The following FAM120B variants were observed in gnomAD, a reference collection of about 807,000 sequenced individuals.
FAM120B encodes constitutive coactivator of peroxisome proliferator-activated receptor gamma.
FAM120B carries 83 observed loss-of-function variants against 96.3 expected under a neutral mutation model. The observed-to-expected ratio is 0.86, with a 90% CI of 0.72 to 1.03. The LOEUF is 1.03. Ranked by LOEUF, FAM120B falls within the 50% of genes least tolerant of loss-of-function variation. The pLI, the probability that FAM120B is intolerant of heterozygous loss-of-function variation, is 0.00. For missense variants in FAM120B, 1,027 were observed against 1,121.2 expected (o/e 0.92, Z 1.20); for synonymous variants, 407 against 402.7 (o/e 1.01, Z -0.13).
chr6:170,363,775 G>T lies in FAM120B; in HGVS notation c.2283+5457G>T, dbSNP rs1788607045. On this transcript the variant is annotated intron_variant, in intron 6 of 10. Coordinates refer to ENST00000476287, the MANE Select transcript of FAM120B (RefSeq NM_032448.3). This position sits in a 1 kb window ranked among gnomAD's most constrained non-coding sequence, Gnocchi z 4.5. ...CTTATTAAACATCATGTTTTATTTT[G>T]TTTTTTTTAGACAGAGTCTCACCCT... is the stretch of plus-strand genomic sequence containing the variant. Among the ~76,000 whole-genome samples the T allele has an allele frequency of 6.6e-6, 1 of 151,908 alleles. No individual in the cohort carries two copies. Among genetic ancestry groups the T allele is most frequent in the South Asian group, 2.1e-4 (1 of 4,812 alleles).
intron 6 of FAM120B, among the ~76,000 whole-genome samples, chr6:170,376,935 G>C (rs1257327021): frequency 1.4e-5 from 2 of 146,384 alleles, no homozygotes; most frequent in African/African-American, 5.1e-5. Context: ...CCTAAACCCA[G>C]ACGCCTGGGA....
At chr6:170,368,282 C>T (rs1788929126) in intron 6 of FAM120B, among the ~76,000 whole-genome samples, 1 of 152,160 alleles carries the variant, frequency 6.6e-6, no homozygotes. Flanking sequence ...CCATGCACTC[C>T]CTTTACTTCC....
chr6:170,314,400 G>A (rs1784771756), intron 1 of FAM120B, among the ~76,000 whole-genome samples: 1 of 152,162 alleles, frequency 6.6e-6, no homozygotes, highest in Non-Finnish European at 1.5e-5. Flanking sequence ...CAGATGTTGT[G>A]CTAGGTGCTG....
chr6:170,321,836 C>A (rs1785311609), intron 2 of FAM120B, among the ~76,000 whole-genome samples: 1 of 152,186 alleles, frequency 6.6e-6, no homozygotes, highest in Non-Finnish European at 1.5e-5. Context: ...AGGTAAGGAA[C>A]AGAGAGATTA....
chr6:170,396,588 C>T (rs1042137207), intron 9 of FAM120B, among the ~76,000 whole-genome samples: 2 of 152,156 alleles, frequency 1.3e-5, no homozygotes, highest in East Asian at 1.9e-4. Flanking sequence ...TCAACCCCAC[C>T]GAGTCGTGCA....
rs1372302172 is a variant in FAM120B, at chr6:170,370,108, C to T, written c.2283+11790C>T. Among the ~76,000 whole-genome samples the T allele has an allele frequency of 6.6e-6, 1 of 152,140 alleles. No homozygotes were observed. ...ATTCTGTGAGTCGGCAGAAATTTATCGCAGAGACATTGCAGAGGTGAGACG... is the reference window on the plus strand; with the variant it reads ...ATTCTGTGAGTCGGCAGAAATTTATTGCAGAGACATTGCAGAGGTGAGACG... On this transcript the variant is annotated intron_variant, in intron 6 of 10. Transcript: ENST00000476287. The surrounding 1 kb of genome is among the most constrained non-coding windows in gnomAD (Gnocchi z 4.3).
intron 7 of FAM120B, among the ~76,000 whole-genome samples, chr6:170,389,998 G>A (rs991155339): frequency 6.6e-6 from 1 of 152,200 alleles, no homozygotes; most frequent in Non-Finnish European, 1.5e-5. Flanking sequence ...TGGGGACGCT[G>A]GCTGCTGTCC....
intron 6 of FAM120B, among the ~76,000 whole-genome samples, chr6:170,374,924 G>C (rs1382213824): frequency 2.0e-5 from 3 of 152,182 alleles, no homozygotes; most frequent in African/African-American, 7.2e-5. Flanking sequence ...TTAATTTCTT[G>C]AGGATAGGAC....
chr6:170,309,766 A>T (rs1784484582), intron 1 of FAM120B, among the ~76,000 whole-genome samples: 1 of 152,210 alleles, frequency 6.6e-6, no homozygotes, highest in South Asian at 2.1e-4. Flanking sequence ...ATAGCAGAGG[A>T]GTTTTCTGGC....
At chr6:170,365,384 A>G (rs1301828614) in intron 6 of FAM120B, among the ~76,000 whole-genome samples, 1 of 152,186 alleles carries the variant, frequency 6.6e-6, no homozygotes, top group Non-Finnish European at 1.5e-5. Flanking sequence ...TCGCCTTACT[A>G]GGGATGACAG....
chr6:170,337,908 A>G (rs1214532034), intron 4 of FAM120B, among the ~76,000 whole-genome samples: 2 of 149,692 alleles, frequency 1.3e-5, no homozygotes, highest in East Asian at 1.9e-4. Flanking sequence ...TGTCTGTTTG[A>G]TTATTCTCTG....
upstream of FAM120B, among the ~76,000 whole-genome samples, chr6:170,304,925 C>G (rs1175094505): frequency 6.6e-6 from 1 of 152,110 alleles, no homozygotes. Context: ...TCTCATAGCT[C>G]TGGAGGCGCT....
rs1562602400 is a variant in FAM120B, at chr6:170,399,815, AG to A, written c.2692+4237del. Among the ~76,000 whole-genome samples, 124 of 134,510 alleles carry A rather than the reference AG, an allele frequency of 9.2e-4. 18 individuals carry two copies. The highest frequency in any genetic ancestry group is 3.8e-3 in the Middle Eastern group (1 of 264). 88.2% of individuals were successfully genotyped at this position (134,510 alleles called of 152,430 possible). On this transcript the variant is annotated intron_variant, in intron 9 of 10. Transcript: ENST00000476287. ...GTGAGGAAGGTAGAACTATGTCATA[AG>A]CCTTAGGAGTGAGTGGGGAAGGTAG...
intron 9 of FAM120B, among the ~76,000 whole-genome samples, chr6:170,397,963 C>A (rs866392992): frequency 1.4e-5 from 2 of 142,520 alleles, no homozygotes; most frequent in African/African-American, 2.6e-5. Context: ...GAAAGGAGAC[C>A]TTCTGCTTAC....
rs1460821855 is a variant in FAM120B, at chr6:170,363,774, TG to T, written c.2283+5457del. ...ACTTATTAAACATCATGTTTTATTT[TG>T]TTTTTTTTAGACAGAGTCTCACCCT... On this transcript the variant is annotated intron_variant, in intron 6 of 10. Coordinates refer to ENST00000476287, the MANE Select transcript of FAM120B (RefSeq NM_032448.3). The surrounding 1 kb of genome is among the most constrained non-coding windows in gnomAD (Gnocchi z 4.5). Among the ~76,000 whole-genome samples, 1 of 152,224 alleles carries T rather than the reference TG, an allele frequency of 6.6e-6. No homozygotes were observed. Among genetic ancestry groups the T allele is most frequent in the Admixed American group, 6.5e-5 (1 of 15,286 alleles).
chr6:170,350,313 G>A (rs1420924201), intron 5 of FAM120B, among the ~76,000 whole-genome samples: 1 of 152,204 alleles, frequency 6.6e-6, no homozygotes, highest in Non-Finnish European at 1.5e-5. Context: ...CTCCTTAGAA[G>A]GGTCCAAGTT....
intron 6 of FAM120B, among the ~76,000 whole-genome samples, chr6:170,372,215 A>C (rs1023108874): frequency 1.3e-5 from 2 of 152,108 alleles, no homozygotes; most frequent in African/African-American, 4.8e-5. Flanking sequence ...TTTTTTTAAG[A>C]ATGATTTTTT....
intron 5 of FAM120B, among the ~76,000 whole-genome samples, chr6:170,350,977 G>A (rs1294102429): frequency 1.3e-5 from 2 of 152,232 alleles, no homozygotes; most frequent in African/African-American, 4.8e-5. Flanking sequence ...CAGAAGGTGG[G>A]TAATAATGAA....
intron 6 of FAM120B, among the ~76,000 whole-genome samples, chr6:170,382,255 C>G (rs1039063525): frequency 6.6e-6 from 1 of 152,078 alleles, no homozygotes; most frequent in East Asian, 1.9e-4. Context: ...ACCCCCATCT[C>G]TACAAAAAAT....
Sources: allele counts gnomAD v4.1 joint callset (sites outside exome capture counted in the v4.1 genomes callset), GRCh38; gene constraint gnomAD v4.1.1; non-coding constraint Gnocchi (gnomAD v3.1); transcripts MANE v1.5; gene names NCBI Gene and HGNC (gene_info 2026-07-23, HGNC 2026-07-21).